The following EYS variants were observed in gnomAD, a reference collection of about 807,000 sequenced individuals.
EYS encodes protein eyes shut homolog.
Under a neutral mutation model 282.1 loss-of-function variants are expected in EYS, and 250 were observed. That is an observed-to-expected ratio of 0.89 (90% CI 0.80 to 0.98). EYS has a LOEUF of 0.98. Ranked by LOEUF, EYS falls within the 50% of genes least tolerant of loss-of-function variation. The pLI is 0.00. For synonymous variants in EYS, 1,355 were observed against 1,282.9 expected, an observed-to-expected ratio of 1.06 and a Z score of -1.20; for missense variants, 4,016 against 3,709.0, an observed-to-expected ratio of 1.08 and a Z score of -2.15.
chr6:65,160,563 A>G (rs1764829099), intron 12 of EYS, among the ~76,000 whole-genome samples: 2 of 150,780 alleles, frequency 1.3e-5, no homozygotes, highest in Admixed American at 1.3e-4. Context: ...ATTGAATTTT[A>G]TGGCCCTAAT....
chr6:65,530,493 A>G (rs944886080), intron 2 of EYS, among the ~76,000 whole-genome samples: 2 of 152,222 alleles, frequency 1.3e-5, no homozygotes, highest in Non-Finnish European at 2.9e-5. Context: ...TAAAATATCT[A>G]TCTAGACTTA....
intron 13 of EYS, among the ~76,000 whole-genome samples, chr6:65,032,230 TC>T (rs1321652904): frequency 6.6e-6 from 1 of 152,026 alleles, no homozygotes; most frequent in Non-Finnish European, 1.5e-5. Flanking sequence ...AATAATGAGA[TC>T]TGAAATTGAA....
chr6:64,010,486 T>C lies in EYS; in HGVS notation c.6726-11303A>G, dbSNP rs116626358. 8.7e-3 allele frequency among the ~76,000 whole-genome samples: 1,319 copies of C among 152,304 alleles called. 9 individuals carry two copies. Among genetic ancestry groups the C allele is most frequent in the Non-Finnish European group, 0.014 (944 of 68,028 alleles). On this transcript the variant is annotated intron_variant, in intron 33 of 42. Coordinates refer to ENST00000503581, the MANE Select transcript of EYS (RefSeq NM_001142800.2). ...AGTAAAATTATTCCTTCATTTATGC[T>C]TTCTAGTGTTTTAAAAATACTTTAG... is the stretch of plus-strand genomic sequence containing the variant.
At chr6:64,714,145 A>T (rs1209823144) in intron 22 of EYS, among the ~76,000 whole-genome samples, 1 of 152,240 alleles carries the variant, frequency 6.6e-6, no homozygotes, top group Admixed American at 6.5e-5. Flanking sequence ...AATAAATGGA[A>T]AGACTTGGAA....
intron 28 of EYS, among the ~76,000 whole-genome samples, chr6:64,404,168 T>C (rs753584401): frequency 2.6e-5 from 4 of 152,296 alleles, no homozygotes; most frequent in Middle Eastern, 3.4e-3. Flanking sequence ...TCTAGTTGCA[T>C]ATCCACAACA....
At chr6:64,714,523 T>C (rs1216473063) in intron 22 of EYS, among the ~76,000 whole-genome samples, 14,919 of 138,518 alleles carry the variant, frequency 0.11, 1,199 homozygotes, top group East Asian at 0.3. Context: ...TTTCTTTTTT[T>C]TTTTTTTTTT....
intron 12 of EYS, among the ~76,000 whole-genome samples, chr6:65,252,939 A>G (rs1040685923): frequency 6.6e-6 from 1 of 151,974 alleles, no homozygotes; most frequent in African/African-American, 2.4e-5. Context: ...AAAAAAGTGA[A>G]GAGAGCCTCA....
chr6:65,073,483 C>A lies in EYS; in HGVS notation c.2024-15756G>T, dbSNP rs143682211. ...TCAATATGAGAATAGGTAGTGTGCA[C>A]TGTACATCTATCTACTTACAGAACC... On this transcript the variant is annotated intron_variant, in intron 12 of 42. Coordinates refer to ENST00000503581, the MANE Select transcript of EYS (RefSeq NM_001142800.2). 4.1e-3 allele frequency among the ~76,000 whole-genome samples: 628 copies of A among 151,638 alleles called. 2 individuals are homozygous for A. Among genetic ancestry groups the A allele is most frequent in the African/African-American group, 0.014 (566 of 41,386 alleles).
intron 36 of EYS, among the ~76,000 whole-genome samples, chr6:63,830,286 C>T (rs1010515792): frequency 1.3e-5 from 2 of 152,162 alleles, no homozygotes; most frequent in African/African-American, 4.8e-5. Context: ...TAAAGGAGGA[C>T]ATTCGAACCT....
At chr6:65,466,666 A>G (rs202096055) in intron 5 of EYS, among the ~76,000 whole-genome samples, 88 of 152,258 alleles carry the variant, frequency 5.8e-4, no homozygotes, top group African/African-American at 2.0e-3. Flanking sequence ...AGATGTGATG[A>G]AAAAAGACAG....
At chr6:64,842,765 G>A (rs1765600449) in intron 19 of EYS, among the ~76,000 whole-genome samples, 1 of 152,022 alleles carries the variant, frequency 6.6e-6, no homozygotes, top group African/African-American at 2.4e-5. Flanking sequence ...AGTATCTGAT[G>A]GAAGAAAATT....
chr6:63,852,204 T>G (rs1309607909), intron 36 of EYS, among the ~76,000 whole-genome samples: 1 of 148,604 alleles, frequency 6.7e-6, no homozygotes, highest in African/African-American at 2.5e-5. Flanking sequence ...GAGGAGCTGG[T>G]TTTTTGAAAA....
At chr6:63,837,225 C>T (rs1337621986) in intron 36 of EYS, among the ~76,000 whole-genome samples, 1 of 152,094 alleles carries the variant, frequency 6.6e-6, no homozygotes, top group Non-Finnish European at 1.5e-5. Flanking sequence ...TTGTTTTCTA[C>T]ATGCTACTCA....
intron 14 of EYS, among the ~76,000 whole-genome samples, chr6:64,967,765 G>T (rs970221437): frequency 1.3e-5 from 2 of 152,138 alleles, no homozygotes; most frequent in African/African-American, 4.8e-5. Flanking sequence ...ATTCAGGAAG[G>T]CAGGTGCTAA....
intron 12 of EYS, among the ~76,000 whole-genome samples, chr6:65,133,513 G>A (rs1775939573): frequency 6.6e-6 from 1 of 151,656 alleles, no homozygotes. Flanking sequence ...AAGCTGACAA[G>A]CAGTGTGAAA....
intron 26 of EYS, among the ~76,000 whole-genome samples, chr6:64,584,803 T>G (rs1766180834): frequency 6.6e-6 from 1 of 152,162 alleles, no homozygotes. Flanking sequence ...TCTTTAACGA[T>G]GCTTAAGATC....
intron 31 of EYS, among the ~76,000 whole-genome samples, chr6:64,225,745 T>C (rs1042143019): frequency 6.6e-6 from 1 of 152,100 alleles, no homozygotes; most frequent in Admixed American, 6.6e-5. Flanking sequence ...CTGAGCCCAG[T>C]GTTCCCTGCT....
chr6:65,629,216 A>G (rs1264527316), intron 2 of EYS, among the ~76,000 whole-genome samples: 1 of 152,202 alleles, frequency 6.6e-6, no homozygotes, highest in East Asian at 1.9e-4. Flanking sequence ...TTAAATCTAA[A>G]GGGAGAGTCA....
intron 22 of EYS, among the ~76,000 whole-genome samples, chr6:64,767,165 G>C (rs1272452377): frequency 6.6e-6 from 1 of 151,442 alleles, no homozygotes; most frequent in Non-Finnish European, 1.5e-5. Flanking sequence ...TGTACTAATT[G>C]TACATATTTA....
Sources: allele counts gnomAD v4.1 joint callset (sites outside exome capture counted in the v4.1 genomes callset), GRCh38; gene constraint gnomAD v4.1.1; transcripts MANE v1.5; gene names NCBI Gene and HGNC (gene_info 2026-07-23, HGNC 2026-07-21).